Variants in PTPRD observed in about 807,000 individuals in gnomAD.
The protein encoded by PTPRD is receptor-type tyrosine-protein phosphatase delta.
PTPRD carries 34 observed loss-of-function variants against 214.5 expected under a neutral mutation model. The ratio of observed to expected loss-of-function variants is 0.16; its 90% CI spans 0.12 to 0.21. PTPRD has a LOEUF of 0.21. PTPRD is among the 10% of genes least tolerant of loss of function. The pLI is 1.00. For synonymous variants in PTPRD, 1,128 were observed against 845.7 expected (o/e 1.33, Z -5.79); for missense variants, 2,545 against 2,398.7 (o/e 1.06, Z -1.27).
chr9:8,534,002 T>C (rs955409264), intron 14 of PTPRD, among the ~76,000 whole-genome samples: 3 of 152,066 alleles, frequency 2.0e-5, no homozygotes, highest in Admixed American at 6.6e-5. Flanking sequence ...CTCATTATTT[T>C]AGTGTCATAA....
At chr9:10,535,882 T>C (rs948146913) in intron 2 of PTPRD, among the ~76,000 whole-genome samples, 6 of 152,124 alleles carry the variant, frequency 3.9e-5, no homozygotes, top group Non-Finnish European at 8.8e-5. Context: ...GCCTCTATTG[T>C]CACAAAGTGA....
chr9:9,521,614 C>T lies in PTPRD; in HGVS notation c.-237+53118G>A, dbSNP rs114261823. The stretch of plus-strand genomic sequence containing the variant: ...TCACTGTTTTCCTGAACAGGGGAGG[C>T]GCTCTAAGTGGCAAATGAAAAAGAG... On this transcript the variant is annotated intron_variant, in intron 8 of 45. Coordinates refer to ENST00000381196, the MANE Select transcript of PTPRD (RefSeq NM_002839.4). Among the ~76,000 whole-genome samples, 496 of 152,138 alleles carry T rather than the reference C, an allele frequency of 3.3e-3. 3 individuals are homozygous for T. Among genetic ancestry groups the T allele is most frequent in the African/African-American group, 0.011 (475 of 41,508 alleles).
intron 7 of PTPRD, among the ~76,000 whole-genome samples, chr9:9,673,688 G>T (rs2096873521): frequency 6.6e-6 from 1 of 150,570 alleles, no homozygotes; most frequent in African/African-American, 2.4e-5. Flanking sequence ...ATAGATACAG[G>T]AATCAAAACC....
At chr9:9,762,641 G>C (rs1456807624) in intron 6 of PTPRD, among the ~76,000 whole-genome samples, 1 of 152,138 alleles carries the variant, frequency 6.6e-6, no homozygotes, top group African/African-American at 2.4e-5. Context: ...CTTATAAAAA[G>C]GATTGATTCT....
chr9:9,369,179 G>A (rs1170231341), intron 9 of PTPRD, among the ~76,000 whole-genome samples: 1 of 151,958 alleles, frequency 6.6e-6, no homozygotes, highest in Non-Finnish European at 1.5e-5. Context: ...CATTTGAGTT[G>A]GTTCCAAGTC....
intron 3 of PTPRD, among the ~76,000 whole-genome samples, chr9:10,222,900 A>G (rs1163044448): frequency 6.6e-6 from 1 of 151,988 alleles, no homozygotes; most frequent in East Asian, 1.9e-4. Flanking sequence ...AAAGATAAAA[A>G]TGTGTTGTGT....
chr9:8,983,649 C>CA (rs752379993), intron 11 of PTPRD, among the ~76,000 whole-genome samples: 20 of 151,874 alleles, frequency 1.3e-4, no homozygotes, highest in Non-Finnish European at 2.4e-4. Context: ...GCTAGGACTG[C>CA]ATGTGTGCTC....
chr9:10,317,613 T>G (rs564298654), intron 3 of PTPRD, among the ~76,000 whole-genome samples: 1 of 152,160 alleles, frequency 6.6e-6, no homozygotes, highest in South Asian at 2.1e-4. Flanking sequence ...AATCTTTTAA[T>G]GTTTTTGAGA....
At chr9:10,379,837 A>G (rs541744404) in intron 2 of PTPRD, among the ~76,000 whole-genome samples, 57 of 152,054 alleles carry the variant, frequency 3.7e-4, no homozygotes, top group Non-Finnish European at 7.1e-4. Flanking sequence ...CAAATATCTG[A>G]GTGTTGTTAT....
intron 9 of PTPRD, among the ~76,000 whole-genome samples, chr9:9,299,713 T>C (rs1157327933): frequency 2.6e-5 from 4 of 151,610 alleles, no homozygotes; most frequent in Admixed American, 1.3e-4. Context: ...ATTGGTGTGA[T>C]CTTATTATTT....
At position 8,987,859 on chromosome 9, in the gene PTPRD, G is replaced by A. The variant is rs530620374; in HGVS notation, c.-104+30838C>T. On this transcript the variant is annotated intron_variant, in intron 11 of 45. Coordinates refer to ENST00000381196, the MANE Select transcript of PTPRD (RefSeq NM_002839.4). ...TATAAAGGAAAGACAGGTAAATCAG[G>A]ACTGAAGGTCTAATTTGGGAATCCT... is the stretch of plus-strand genomic sequence containing the variant. Among the ~76,000 whole-genome samples the A allele has an allele frequency of 3.3e-5, 5 of 152,204 alleles. No homozygotes were observed. In the South Asian group the frequency reaches 1.0e-3, roughly 32 times the overall value.
intron 2 of PTPRD, among the ~76,000 whole-genome samples, chr9:10,505,734 T>C (rs1372569490): frequency 6.6e-6 from 1 of 151,814 alleles, no homozygotes; most frequent in Non-Finnish European, 1.5e-5. Context: ...TTCCATGTTA[T>C]CAAAGAAATA....
At chr9:10,104,435 A>G (rs1489261864) in intron 3 of PTPRD, among the ~76,000 whole-genome samples, 1 of 151,772 alleles carries the variant, frequency 6.6e-6, no homozygotes, top group Non-Finnish European at 1.5e-5. Flanking sequence ...GCACACACAC[A>G]TAATGCAGGT....
rs2099703646 is a variant in PTPRD at position 9,059,721 on chromosome 9, T to G, written c.-142-40986A>C. On this transcript the variant is annotated intron_variant, in intron 10 of 45. Coordinates refer to ENST00000381196, the MANE Select transcript of PTPRD (RefSeq NM_002839.4). Reference sequence around the variant, plus strand: ...CAAAGATGAAATATCAATAAATGAATTTAGCAAGGTTCTTAGATACAAGGT... The same window carrying G: ...CAAAGATGAAATATCAATAAATGAAGTTAGCAAGGTTCTTAGATACAAGGT... Among the ~76,000 whole-genome samples the G allele has an allele frequency of 2.0e-5, 3 of 152,006 alleles. 1 individual carries two copies. The highest frequency in any genetic ancestry group is 2.0e-4 in the Admixed American group (3 of 15,258).
intron 9 of PTPRD, among the ~76,000 whole-genome samples, chr9:9,373,273 T>C (rs1192185746): frequency 6.6e-6 from 1 of 152,118 alleles, no homozygotes; most frequent in East Asian, 1.9e-4. Flanking sequence ...AGAATCCTGC[T>C]AAATTTGGTG....
chr9:8,642,190 A>T (rs754919361), intron 12 of PTPRD, among the ~76,000 whole-genome samples: 1 of 152,244 alleles, frequency 6.6e-6, no homozygotes, highest in Non-Finnish European at 1.5e-5. Context: ...AAAGGATCAC[A>T]TGCTACAAAA....
intron 10 of PTPRD, among the ~76,000 whole-genome samples, chr9:9,167,054 C>T (rs1247096209): frequency 6.6e-6 from 1 of 151,874 alleles, no homozygotes; most frequent in East Asian, 1.9e-4. Context: ...AAACTAAAGC[C>T]CAGAGAGGTT....
intron 9 of PTPRD, among the ~76,000 whole-genome samples, chr9:9,346,452 G>A (rs2048833642): frequency 6.6e-6 from 1 of 152,038 alleles, no homozygotes; most frequent in South Asian, 2.1e-4. Context: ...AACCACTAAT[G>A]CAATTAAACA....
At chr9:8,705,563 C>T (rs2098188085) in intron 12 of PTPRD, among the ~76,000 whole-genome samples, 1 of 152,156 alleles carries the variant, frequency 6.6e-6, no homozygotes. Context: ...ACCAACATTT[C>T]CTTGTCTCTT....
Sources: gnomAD v4.1 joint callset for allele counts (sites outside exome capture counted in the v4.1 genomes callset) on GRCh38, gnomAD v4.1.1 for gene constraint, MANE v1.5 for transcripts, NCBI Gene and HGNC (gene_info 2026-07-23, HGNC 2026-07-21) for gene names.